ADGRL2: variants seen among roughly 807,000 people sequenced by gnomAD.
ADGRL2 encodes calcium-independent alpha-latrotoxin receptor 2.
A neutral mutation model predicts 157.4 loss-of-function variants in ADGRL2; 44 were observed. The observed-to-expected ratio is 0.28, with a 90% CI of 0.22 to 0.36. The LOEUF (loss-of-function observed/expected upper bound fraction) is 0.36, where lower values mean the gene tolerates loss of function less well. Ranked by LOEUF, ADGRL2 falls within the 10% of genes least tolerant of loss-of-function variation. The probability of loss-of-function intolerance (pLI) is 1.00; values close to 1 mark genes in which losing one functional copy is unlikely to be tolerated. For missense variants in ADGRL2, 1,510 were observed against 1,768.9 expected (o/e 0.85, Z 2.63); for synonymous variants, 585 against 624.7 (o/e 0.94, Z 0.95).
intron 2 of ADGRL2, among the ~76,000 whole-genome samples, chr1:81,768,162 C>T (rs894331965): frequency 6.6e-6 from 1 of 151,842 alleles, no homozygotes; most frequent in Non-Finnish European, 1.5e-5. Context: ...CCTCCTACCT[C>T]AGCTTCCTGA....
At chr1:81,921,870 AT>A (rs2094987861) in intron 3 of ADGRL2, among the ~76,000 whole-genome samples, 1 of 150,888 alleles carries the variant, frequency 6.6e-6, no homozygotes, top group African/African-American at 2.4e-5. Context: ...TTGCTGCCAA[AT>A]GATTAGTGGG....
At chr1:81,474,618 T>G (rs1205733896) in intron 2 of ADGRL2, among the ~76,000 whole-genome samples, 1 of 152,190 alleles carries the variant, frequency 6.6e-6, no homozygotes, top group Non-Finnish European at 1.5e-5. Context: ...GCAGTCCATT[T>G]TAGAAATTAT....
intron 17 of ADGRL2, among the ~76,000 whole-genome samples, chr1:81,978,515 A>G (rs1449949264): frequency 1.3e-5 from 2 of 151,780 alleles, no homozygotes; most frequent in African/African-American, 2.4e-5. Context: ...AATTTTGCCC[A>G]TTGACCTCAT....
At chr1:81,814,916 C>G (rs1259545381) in intron 1 of ADGRL2, among the ~76,000 whole-genome samples, 1 of 151,434 alleles carries the variant, frequency 6.6e-6, no homozygotes, top group African/African-American at 2.4e-5. Flanking sequence ...ACATTTTCTT[C>G]AAAAATTTAA....
intron 2 of ADGRL2, among the ~76,000 whole-genome samples, chr1:81,465,312 T>C (rs2078029966): frequency 6.6e-6 from 1 of 152,212 alleles, no homozygotes; most frequent in African/African-American, 2.4e-5. Context: ...GTATTATTTT[T>C]AGGGAATTAT....
At chr1:81,951,212 T>G in intron 8 of ADGRL2, 91 bp downstream of exon 8, 2 of 833,300 alleles carry the variant, frequency 2.4e-6, no homozygotes, top group Non-Finnish European at 2.0e-6. Flanking sequence ...AAAACCAGCT[T>G]TATTGCTCTT....
chr1:81,412,227 C>A (rs536902314), intron 1 of ADGRL2, among the ~76,000 whole-genome samples: 2 of 152,186 alleles, frequency 1.3e-5, no homozygotes, highest in Non-Finnish European at 2.9e-5. Context: ...CCCAGGAAAT[C>A]TGGTTCCAAA....
chr1:81,599,603 AT>A (rs1325849862), intron 3 of ADGRL2, among the ~76,000 whole-genome samples: 3 of 152,218 alleles, frequency 2.0e-5, no homozygotes, highest in African/African-American at 7.2e-5. Flanking sequence ...TTAGAATTTC[AT>A]TGGGTTTAAT....
At chr1:81,538,247 G>A (rs936019991) in intron 2 of ADGRL2, among the ~76,000 whole-genome samples, 3 of 152,002 alleles carry the variant, frequency 2.0e-5, no homozygotes, top group African/African-American at 7.2e-5. Flanking sequence ...CAAACAAGGT[G>A]CAGGTTAGTT....
intron 3 of ADGRL2, among the ~76,000 whole-genome samples, chr1:81,693,308 T>A (rs1023069997): frequency 2.6e-5 from 4 of 152,212 alleles, no homozygotes; most frequent in Non-Finnish European, 5.9e-5. Context: ...AAAGTTCCCC[T>A]GCTCTCTGCA....
chr1:81,962,343 A>G (rs1346536139), intron 11 of ADGRL2, among the ~76,000 whole-genome samples: 2 of 151,904 alleles, frequency 1.3e-5, no homozygotes, highest in South Asian at 2.1e-4. Flanking sequence ...ATTGTTTACA[A>G]CTTTCTCCTG....
chr1:81,349,188 C>T (rs772329772), intron 1 of ADGRL2, among the ~76,000 whole-genome samples: 9 of 152,112 alleles, frequency 5.9e-5, no homozygotes, highest in Non-Finnish European at 1.2e-4. Context: ...AGCCATTAAA[C>T]CGTGTTGGGG....
chr1:81,414,270 A>C (rs2076997366), intron 1 of ADGRL2: 1 of 152,192 alleles, frequency 6.6e-6, no homozygotes, highest in African/African-American at 2.4e-5. Flanking sequence ...TGGATGCTCT[A>C]CATAGCACCC....
chr1:81,783,567 ACT>A (rs1397489407), intron 2 of ADGRL2, among the ~76,000 whole-genome samples: 1 of 152,212 alleles, frequency 6.6e-6, no homozygotes, highest in Non-Finnish European at 1.5e-5. Flanking sequence ...TAAATAATTA[ACT>A]CTATAAACAT....
intron 2 of ADGRL2, among the ~76,000 whole-genome samples, chr1:81,467,314 A>G (rs1387221600): frequency 6.6e-6 from 1 of 152,204 alleles, no homozygotes; most frequent in African/African-American, 2.4e-5. Context: ...AATAAGAAGC[A>G]GCTAAAAAAG....
intron 3 of ADGRL2, among the ~76,000 whole-genome samples, chr1:81,640,938 A>T (rs972638401): frequency 7.2e-5 from 11 of 152,202 alleles, no homozygotes; most frequent in African/African-American, 1.7e-4. Flanking sequence ...ATGTTAACTA[A>T]TTAGTTATTT....
intron 3 of ADGRL2, among the ~76,000 whole-genome samples, chr1:81,669,036 T>C (rs2082812763): frequency 6.6e-6 from 1 of 152,176 alleles, no homozygotes; most frequent in Non-Finnish European, 1.5e-5. Flanking sequence ...TCTAAGACTG[T>C]CCATCAATCT....
intron 2 of ADGRL2, among the ~76,000 whole-genome samples, chr1:81,462,290 A>C (rs535472828): frequency 6.6e-6 from 1 of 152,216 alleles, no homozygotes; most frequent in Non-Finnish European, 1.5e-5. Flanking sequence ...CCCAGCATGC[A>C]GCAGCAACCT....
chr1:81,699,492 T>C (rs1378301360), upstream of ADGRL2, among the ~76,000 whole-genome samples: 1 of 152,186 alleles, frequency 6.6e-6, no homozygotes. Flanking sequence ...CACTGGGTAC[T>C]TGAGCAAAAT....
Sources: gnomAD v4.1 joint callset for allele counts (sites outside exome capture counted in the v4.1 genomes callset) on GRCh38, gnomAD v4.1.1 for gene constraint, MANE v1.5 for transcripts, NCBI Gene and HGNC (gene_info 2026-07-23, HGNC 2026-07-21) for gene names.